The following EFNB3 variants were observed in gnomAD, a reference collection of about 807,000 sequenced individuals.
EFNB3 encodes ephrin-B3.
Under a neutral mutation model 29.8 loss-of-function variants are expected in EFNB3, and 14 were observed. The ratio of observed to expected loss-of-function variants is 0.47; its 90% CI spans 0.31 to 0.73. The LOEUF (loss-of-function observed/expected upper bound fraction) is 0.73. Among genes scored for constraint, EFNB3 ranks in the 30% least tolerant of loss-of-function variants. EFNB3 has a pLI of 0.05. For missense variants in EFNB3, 408 were observed against 458.0 expected, an observed-to-expected ratio of 0.89 and a Z score of 1.00; for synonymous variants, 216 against 191.6, an observed-to-expected ratio of 1.13 and a Z score of -1.05.
rs763242038 is a variant in EFNB3 at position 7,709,380 on chromosome 17, G to C, written c.827G>C (p.Gly276Ala). The C allele has an allele frequency of 1.9e-6, 3 of 1,591,546 alleles. 1 individual carries two copies. The highest frequency in any genetic ancestry group is 1.1e-5 in the South Asian group (1 of 88,616). The change falls in exon 5 of 5, where the codon GGC becomes GCC. Residue 276 changes from glycine (G) to alanine (A), a missense_variant. Around this residue, in one of 3 missense-constraint regions of EFNB3, gnomAD observed 233 missense variants for 230.7 expected, o/e 1.01. Transcript: ENST00000226091. The surrounding 1 kb of genome is among the most constrained non-coding windows in gnomAD (Gnocchi z 4.5). Reference sequence around the variant, plus strand: ...TCCTTCGGGAGGGGAGGGTCTCTGGGCCTGGGGGGTGGAGGTGGGATGGGA... The same window carrying C: ...TCCTTCGGGAGGGGAGGGTCTCTGGCCCTGGGGGGTGGAGGTGGGATGGGA... ...PGSFGRGGSL[G>A]LGGGGGMGPR...
intron 1 of EFNB3, among the ~76,000 whole-genome samples, chr17:7,707,664 G>C (rs184422748): frequency 6.6e-6 from 1 of 152,312 alleles, no homozygotes; most frequent in East Asian, 1.9e-4. Context: ...AACGGGGCTG[G>C]TGATGGAGCG....
At chr17:7,707,867 G>C in intron 1 of EFNB3, 91 bp from the exon 2 acceptor site, 1 of 1,430,294 alleles carries the variant, frequency 7.0e-7, no homozygotes, top group Non-Finnish European at 9.5e-7. Flanking sequence ...GAGAATTGCT[G>C]TCCTGGAAGG....
At position 7,708,732 on chromosome 17, in the gene EFNB3, C is replaced by T; in HGVS notation, c.606C>T (p.Asn202=). Residue 202 remains asparagine (N), a synonymous_variant, in exon 4 of 5, where the codon AAC becomes AAT. Transcript: ENST00000226091. This position sits in a 1 kb window ranked among gnomAD's most constrained non-coding sequence, Gnocchi z 6.8. The part of the protein sequence containing the change: ...AAHSLEPGKE[N]LPGDPTSNAT... ...ACAGCCTGGAGCCTGGGAAGGAGAACCTGCCAGGTAGGAACCAGGGGCTAG... is the reference window on the plus strand; with the variant it reads ...ACAGCCTGGAGCCTGGGAAGGAGAATCTGCCAGGTAGGAACCAGGGGCTAG... 1 of 1,560,518 alleles carries T rather than the reference C, an allele frequency of 6.4e-7. No individual in the cohort carries two copies. Among genetic ancestry groups the T allele is most frequent in the Non-Finnish European group, 8.7e-7 (1 of 1,151,728 alleles).
At chr17:7,707,904 G>A (rs1317672396) in intron 1 of EFNB3, 54 bp from the exon 2 acceptor site, 1 of 1,536,938 alleles carries the variant, frequency 6.5e-7, no homozygotes, top group African/African-American at 1.4e-5. Flanking sequence ...GGAAAGTTCT[G>A]GGGGCCAGGC....
At chr17:7,707,874 A>C (rs1241823463) in intron 1 of EFNB3, 84 bp from the exon 2 acceptor site, 1 of 1,459,724 alleles carries the variant, frequency 6.9e-7, no homozygotes, top group Non-Finnish European at 9.2e-7. Context: ...GCTGTCCTGG[A>C]AGGTTGTGGG....
rs2074343257 is a variant in EFNB3 at position 7,709,810 on chromosome 17, G to C, written c.*234G>C. ...GCCCCCCTCTGTCTCAGTGTCCCTG[G>C]ATCCTTTTTCCTTGGGGAGGGGCAC... On this transcript the variant is annotated 3_prime_UTR_variant, in exon 5 of 5. Transcript: ENST00000226091. This position sits in a 1 kb window ranked among gnomAD's most constrained non-coding sequence, Gnocchi z 4.5. The C allele has an allele frequency of 1.7e-6, 1 of 593,116 alleles. No individual in the cohort carries two copies. The highest frequency in any genetic ancestry group is 2.0e-5 in the South Asian group (1 of 49,174). 36.7% of individuals were successfully genotyped at this position (593,116 alleles called of 1,614,324 possible). A position where few individuals can be genotyped will look rare whatever the true frequency, so the allele number is the denominator to read the frequency against.
In EFNB3 at chr17:7,708,029, C is replaced by CCCGG; in HGVS notation, c.197_200dup (p.Pro68AlafsTer9). On this transcript the variant is annotated frameshift_variant, in exon 2 of 5. Transcript: ENST00000226091. LOFTEE classifies it high-confidence loss of function. This position sits in a 1 kb window ranked among gnomAD's most constrained non-coding sequence, Gnocchi z 6.8. ...CGGCTAGACCTGCTCTGCCCCCGGG[C>CCCGG]CCGGCCTCCTGGCCCTCACTCCTCT... 6.2e-7 allele frequency: 1 copy of CCCGG among 1,614,058 alleles called. No homozygotes were observed. The highest frequency in any genetic ancestry group is 8.5e-7 in the Non-Finnish European group (1 of 1,180,004).
At position 7,708,651 on chromosome 17, in the gene EFNB3, T is replaced by G. The variant is rs2074336610; in HGVS notation, c.525T>G (p.Ala175=). The change falls in exon 4 of 5, where the codon GCT becomes GCG. Residue 175 remains alanine, a synonymous_variant. Coordinates refer to ENST00000226091, the MANE Select transcript of EFNB3 (RefSeq NM_001406.4). The surrounding 1 kb of genome is among the most constrained non-coding windows in gnomAD (Gnocchi z 6.8). ...LRVGQSPRGG[A]VPRKPVSEMP... ...CATCTCCAGGTCCCCGAGGAGGGGC[T>G]GTCCCCCGAAAACCTGTGTCTGAAA... 1 of 1,579,588 alleles carries G rather than the reference T, an allele frequency of 6.3e-7. No homozygotes were observed. The highest frequency in any genetic ancestry group is 8.6e-7 in the Non-Finnish European group (1 of 1,161,950).
chr17:7,708,700 G>T lies in EFNB3; in HGVS notation c.574G>T (p.Ala192Ser). 6.3e-7 allele frequency: 1 copy of T among 1,576,266 alleles called. No individual in the cohort carries two copies. Among genetic ancestry groups the T allele is most frequent in the Non-Finnish European group, 8.6e-7 (1 of 1,160,220 alleles). ...AATGCCCATGGAAAGAGACCGAGGG[G>T]CAGCCCACAGCCTGGAGCCTGGGAA... ...SEMPMERDRG[A>S]AHSLEPGKEN... The change falls in exon 4 of 5, where the codon GCA becomes TCA. Residue 192 changes from alanine to serine, a missense_variant. Coordinates refer to ENST00000226091, the MANE Select transcript of EFNB3 (RefSeq NM_001406.4). The surrounding 1 kb of genome is among the most constrained non-coding windows in gnomAD (Gnocchi z 6.8).
Position 7,708,860 on chromosome 17 carries a change from AAG to A in EFNB3, c.613+126_613+127del, listed in dbSNP as rs2074337919. On this transcript the variant is annotated intron_variant, in intron 4 of 4. Transcript: ENST00000226091. The surrounding 1 kb of genome is among the most constrained non-coding windows in gnomAD (Gnocchi z 6.8). Reference sequence around the variant, plus strand: ...GGGGCGGTGATACAGGAAAGAGGAGAAGAGAGGATGGGAGGGTGGGAGGGGAA... The same window carrying A: ...GGGGCGGTGATACAGGAAAGAGGAGAAGAGGATGGGAGGGTGGGAGGGGAA... The A allele has an allele frequency of 1.2e-6, 1 of 843,396 alleles. No homozygotes were observed. Among genetic ancestry groups the A allele is most frequent in the South Asian group, 1.8e-5 (1 of 54,572 alleles). 52.2% of individuals were successfully genotyped at this position (843,396 alleles called of 1,614,324 possible). A position where few individuals can be genotyped will look rare whatever the true frequency, so the allele number is the denominator to read the frequency against.
rs1317256808 is a variant in EFNB3, at chr17:7,708,733, C to T, written c.607C>T (p.Leu203=). ...CAGCCTGGAGCCTGGGAAGGAGAAC[C>T]TGCCAGGTAGGAACCAGGGGCTAGG... ...AHSLEPGKEN[L]PGDPTSNATS... is the part of the protein sequence containing the mutation. The change falls in exon 4 of 5, where the codon CTG becomes TTG. Residue 203 remains leucine, a synonymous_variant. Coordinates refer to ENST00000226091, the MANE Select transcript of EFNB3 (RefSeq NM_001406.4). This position sits in a 1 kb window ranked among gnomAD's most constrained non-coding sequence, Gnocchi z 6.8. 1 of 1,560,018 alleles carries T rather than the reference C, an allele frequency of 6.4e-7. No individual in the cohort carries two copies. Among genetic ancestry groups the T allele is most frequent in the Non-Finnish European group, 8.7e-7 (1 of 1,151,478 alleles).
In EFNB3 at chr17:7,709,585, C is replaced by G. The variant is rs2074342050; in HGVS notation, c.*9C>G. 1 of 1,613,670 alleles carries G rather than the reference C, an allele frequency of 6.2e-7. No homozygotes were observed. Among genetic ancestry groups the G allele is most frequent in the Non-Finnish European group, 8.5e-7 (1 of 1,179,928 alleles). The stretch of plus-strand genomic sequence containing the variant: ...TCTACTACAAGGTATGAGGGCTCCT[C>G]TCACGTGGCTATCCTGAATCCAGCC... On this transcript the variant is annotated 3_prime_UTR_variant, in exon 5 of 5. Coordinates refer to ENST00000226091, the MANE Select transcript of EFNB3 (RefSeq NM_001406.4). This position sits in a 1 kb window ranked among gnomAD's most constrained non-coding sequence, Gnocchi z 4.5.
rs1385761950 is a variant in EFNB3, at chr17:7,709,669, G to A, written c.*93G>A. 9.1e-6 allele frequency: 12 copies of A among 1,315,306 alleles called. No individual in the cohort carries two copies. In the East Asian group the frequency reaches 1.9e-4, roughly 21 times the overall value. The allele number at this position is 1,315,306 out of a possible 1,614,324, so 81.5% of individuals were successfully genotyped here. On this transcript the variant is annotated 3_prime_UTR_variant, in exon 5 of 5. Transcript: ENST00000226091. This position sits in a 1 kb window ranked among gnomAD's most constrained non-coding sequence, Gnocchi z 4.5. The stretch of plus-strand genomic sequence containing the variant: ...TTTGAGGGACACCTCTAACATCTCG[G>A]CCCCCTGTGCCCCCCCAGCCCCTTC...
intron 1 of EFNB3, among the ~76,000 whole-genome samples, chr17:7,706,750 T>C (rs542927780): frequency 4.6e-5 from 7 of 152,216 alleles, no homozygotes; most frequent in Non-Finnish European, 8.8e-5. Context: ...GTATCCTCAA[T>C]CCTTACAGCT....
chr17:7,705,830 G>C lies in EFNB3; in HGVS notation c.122+110G>C. The C allele has an allele frequency of 7.4e-7, 1 of 1,348,766 alleles. No homozygotes were observed. The highest frequency in any genetic ancestry group is 1.4e-5 in the South Asian group (1 of 69,872). 83.5% of individuals were successfully genotyped at this position (1,348,766 alleles called of 1,614,324 possible). ...GCAGGGAGGAGGCGGGAGGGAAGGTGCTGGTGCTCTGATGTGTGATGGGTT... is the reference window on the plus strand; with the variant it reads ...GCAGGGAGGAGGCGGGAGGGAAGGTCCTGGTGCTCTGATGTGTGATGGGTT... On this transcript the variant is annotated intron_variant, in intron 1 of 4. Transcript: ENST00000226091. The surrounding 1 kb of genome is among the most constrained non-coding windows in gnomAD (Gnocchi z 5.4).
chr17:7,706,206 G>A lies in EFNB3; in HGVS notation c.122+486G>A, dbSNP rs2151099002. On this transcript the variant is annotated intron_variant, in intron 1 of 4. Transcript: ENST00000226091. The stretch of plus-strand genomic sequence containing the variant: ...GGGGCTCTGGGGACAACTTCCCCAA[G>A]GCTCCTTGACTCTCTTCACAGTCTG... Among the ~76,000 whole-genome samples, 3 of 150,836 alleles carry A rather than the reference G, an allele frequency of 2.0e-5. No homozygotes were observed. The Middle Eastern group carries it at 0.01, about 513-fold the overall frequency.
At position 7,708,118 on chromosome 17, in the gene EFNB3, C is replaced by A. The variant is rs1356564593; in HGVS notation, c.283C>A (p.Pro95Thr). 6 of 1,613,998 alleles carry A rather than the reference C, an allele frequency of 3.7e-6. No individual in the cohort carries two copies. Among genetic ancestry groups the A allele is most frequent in the East Asian group, 2.2e-5 (1 of 44,882 alleles). Residue 95 changes from proline to threonine, a missense_variant, in exon 2 of 5, where the codon CCC becomes ACC. Physicochemically the swap from Pro to Thr is conservative, Grantham distance 38 (BLOSUM62 -1). Coordinates refer to ENST00000226091, the MANE Select transcript of EFNB3 (RefSeq NM_001406.4). The surrounding 1 kb of genome is among the most constrained non-coding windows in gnomAD (Gnocchi z 6.8). ...GGAQGRRCEAPPAPNLLLTCD... is the reference protein window; with the variant it reads ...GGAQGRRCEATPAPNLLLTCD... The stretch of plus-strand genomic sequence containing the variant: ...TGCTCAGGGCCGGCGCTGTGAGGCA[C>A]CCCCTGCCCCAAACCTCCTTCTCAC...
rs1567584306 is a variant in EFNB3, at chr17:7,711,347, TAAAAA to T, written c.*1772_*1776del. 1 of 152,310 alleles carries T rather than the reference TAAAAA, an allele frequency of 6.6e-6. No individual in the cohort carries two copies. Among genetic ancestry groups the T allele is most frequent in the Non-Finnish European group, 1.5e-5 (1 of 67,946 alleles). The allele number at this position is 152,310 out of a possible 1,614,324, so 9.4% of individuals were successfully genotyped here. The stretch of plus-strand genomic sequence containing the variant: ...TTTGAACAACAAAAACCAAAAAAAA[TAAAAA>T]TAAAAAACTTCAAAAGTTGACAAGA... On this transcript the variant is annotated 3_prime_UTR_variant, in exon 5 of 5. Transcript: ENST00000226091.
chr17:7,708,720 T>C lies in EFNB3; in HGVS notation c.594T>C (p.Pro198=), dbSNP rs201289152. The change falls in exon 4 of 5, where the codon CCT becomes CCC. Residue 198 remains proline, a synonymous_variant. Transcript: ENST00000226091. The surrounding 1 kb of genome is among the most constrained non-coding windows in gnomAD (Gnocchi z 6.8). ...RDRGAAHSLE[P]GKENLPGDPT... is the part of the protein sequence containing the mutation. The stretch of plus-strand genomic sequence containing the variant: ...GAGGGGCAGCCCACAGCCTGGAGCC[T>C]GGGAAGGAGAACCTGCCAGGTAGGA... The C allele has an allele frequency of 7.3e-5, 114 of 1,567,492 alleles. 3 individuals are homozygous for C. The highest frequency in any genetic ancestry group is 6.7e-4 in the East Asian group (28 of 42,078).
Sources: gnomAD v4.1 joint callset for allele counts (sites outside exome capture counted in the v4.1 genomes callset) on GRCh38, gnomAD v4.1.1 for gene constraint, gnomAD v4.1.1 regional missense constraint, Gnocchi (gnomAD v3.1) non-coding constraint, MANE v1.5 for transcripts, NCBI Gene and HGNC (gene_info 2026-07-23, HGNC 2026-07-21) for gene names.